The following COL5A2 variants were observed in gnomAD, a reference collection of about 807,000 sequenced individuals.
COL5A2 encodes the protein collagen type V alpha 2 chain.
In COL5A2, 23 loss-of-function variants were observed where a neutral mutation model predicts 208.2. The ratio of observed to expected loss-of-function variants is 0.11; its 90% CI spans 0.08 to 0.16. The LOEUF is 0.16. Ranked by LOEUF, COL5A2 falls within the 10% of genes least tolerant of loss-of-function variation. The pLI is 1.00. For synonymous variants in COL5A2, 625 were observed against 628.5 expected (o/e 0.99, Z 0.08); for missense variants, 1,590 against 1,956.4 (o/e 0.81, Z 3.53).
the COL5A2 span, among the ~76,000 whole-genome samples, chr2:189,254,017 G>A: frequency 2.6e-5 from 4 of 152,186 alleles, no homozygotes; most frequent in Non-Finnish European, 5.9e-5. Context: ...TAGATTTTAA[G>A]CACCTATTGA....
chr2:189,210,645 T>C (rs2105867387), intron 1 of COL5A2, among the ~76,000 whole-genome samples: 1 of 152,350 alleles, frequency 6.6e-6, no homozygotes, highest in South Asian at 2.1e-4. Context: ...AATGTTTAAC[T>C]TAATACCAAT....
chr2:189,439,814 A>G, the COL5A2 span, among the ~76,000 whole-genome samples: 17 of 152,364 alleles, frequency 1.1e-4, no homozygotes, highest in African/African-American at 4.1e-4. Context: ...ATACAGTAAC[A>G]TACAACTAAA....
chr2:189,224,321 C>A (rs1006424297), intron 1 of COL5A2, among the ~76,000 whole-genome samples: 2 of 151,696 alleles, frequency 1.3e-5, no homozygotes, highest in Non-Finnish European at 3.0e-5. Flanking sequence ...AAATAACTTA[C>A]CATTCCAATT....
chr2:189,152,206 C>T (rs755723617), intron 1 of COL5A2, among the ~76,000 whole-genome samples: 1 of 152,144 alleles, frequency 6.6e-6, no homozygotes, highest in Non-Finnish European at 1.5e-5. Flanking sequence ...GAACCTGACA[C>T]TTACATGTAT....
intron 2 of COL5A2, among the ~76,000 whole-genome samples, chr2:189,109,363 T>C (rs1399289799): frequency 6.6e-6 from 1 of 152,154 alleles, no homozygotes; most frequent in East Asian, 1.9e-4. Flanking sequence ...GCACATTGTT[T>C]CTGTTCAAGA....
intron 51 of COL5A2, among the ~76,000 whole-genome samples, chr2:189,037,125 ATG>A (rs1195563126): frequency 6.6e-6 from 1 of 152,220 alleles, no homozygotes; most frequent in Non-Finnish European, 1.5e-5. Flanking sequence ...ACCAAAATAG[ATG>A]TGTTTCCAAT....
At chr2:189,413,689 A>T in the COL5A2 span, among the ~76,000 whole-genome samples, 2 of 151,806 alleles carry the variant, frequency 1.3e-5, no homozygotes, top group African/African-American at 4.8e-5. Flanking sequence ...TAGGACTCAG[A>T]TGTCCAGGTA....
At chr2:189,242,179 C>G in the COL5A2 span, among the ~76,000 whole-genome samples, 1 of 152,032 alleles carries the variant, frequency 6.6e-6, no homozygotes, top group East Asian at 1.9e-4. Context: ...TTTCAGAAAA[C>G]CATTTGATAC....
upstream of COL5A2, among the ~76,000 whole-genome samples, chr2:189,226,958 G>C (rs1392282162): frequency 6.6e-6 from 1 of 152,136 alleles, no homozygotes; most frequent in Non-Finnish European, 1.5e-5. Context: ...TAGGATGGCA[G>C]ACATCAGAGA....
the COL5A2 span, among the ~76,000 whole-genome samples, chr2:189,363,140 C>T: frequency 6.6e-6 from 1 of 151,942 alleles, no homozygotes; most frequent in East Asian, 1.9e-4. Context: ...AAAACTAACA[C>T]CTTTCATTAA....
the COL5A2 span, among the ~76,000 whole-genome samples, chr2:189,257,320 A>G: frequency 6.6e-6 from 1 of 152,336 alleles, no homozygotes; most frequent in East Asian, 1.9e-4. Flanking sequence ...TAAAATTCTT[A>G]TTATGTATGA....
intron 24 of COL5A2, 114 bp downstream of exon 24, chr2:189,064,890 C>T (rs1686114098): frequency 6.9e-6 from 7 of 1,019,496 alleles, no homozygotes; most frequent in African/African-American, 3.2e-5. Context: ...TATTTGTATC[C>T]ATCTCCTTTC....
At chr2:189,330,941 A>C in the COL5A2 span, among the ~76,000 whole-genome samples, 8 of 152,342 alleles carry the variant, frequency 5.3e-5, no homozygotes, top group South Asian at 1.7e-3. Flanking sequence ...GTGATCCAGA[A>C]TCAAAAGGAA....
chr2:189,050,806 A>T, intron 42 of COL5A2, 130 bp from the exon 43 acceptor site: 8 of 729,718 alleles, frequency 1.1e-5, no homozygotes, highest in Non-Finnish European at 1.9e-5. Context: ...TCTCAAAATC[A>T]TACTGCATAT....
the COL5A2 span, among the ~76,000 whole-genome samples, chr2:189,353,798 TGCCCTA>T: frequency 8.5e-5 from 13 of 152,342 alleles, no homozygotes; most frequent in South Asian, 1.7e-3. Context: ...ATTGCCTGAT[TGCCCTA>T]GCCAGAACTT....
chr2:189,369,168 T>C, the COL5A2 span, among the ~76,000 whole-genome samples: 1 of 152,182 alleles, frequency 6.6e-6, no homozygotes, highest in African/African-American at 2.4e-5. Context: ...TACTGTGACT[T>C]ACCAAAGATT....
At chr2:189,165,417 T>C (rs980483630) in intron 1 of COL5A2, among the ~76,000 whole-genome samples, 1 of 152,186 alleles carries the variant, frequency 6.6e-6, no homozygotes, top group Non-Finnish European at 1.5e-5. Context: ...TTGTCCCAGG[T>C]GCCTAGGATT....
intron 46 of COL5A2, 46 bp downstream of exon 46, chr2:189,045,754 A>G (rs757921511): frequency 1.4e-6 from 2 of 1,445,802 alleles, no homozygotes; most frequent in South Asian, 2.3e-5. Flanking sequence ...ATAACATAGC[A>G]TATGGGTGTG....
Position 189,054,731 on chromosome 2 carries a change from A to T in COL5A2, c.2392-519T>A, listed in dbSNP as rs375861909. 9.6e-4 allele frequency among the ~76,000 whole-genome samples: 121 copies of T among 125,652 alleles called. No individual in the cohort carries two copies. The South Asian group carries it at 0.011, about 12-fold the overall frequency. The allele number at this position is 125,652 out of a possible 152,430, so 82.4% of individuals were successfully genotyped here. A position where few individuals can be genotyped will look rare whatever the true frequency, so the allele number is the denominator to read the frequency against. Reference sequence around the variant, plus strand: ...TTTTTTGGCACAGGGTCTCCACTCTACATTGCCCAGAATGGAGTGCAGTAG... The same window carrying T: ...TTTTTTGGCACAGGGTCTCCACTCTTCATTGCCCAGAATGGAGTGCAGTAG... On this transcript the variant is annotated intron_variant, in intron 35 of 53. Coordinates refer to ENST00000374866, the MANE Select transcript of COL5A2 (RefSeq NM_000393.5).
Sources: allele counts gnomAD v4.1 joint callset (sites outside exome capture counted in the v4.1 genomes callset), GRCh38; gene constraint gnomAD v4.1.1; transcripts MANE v1.5; gene names NCBI Gene and HGNC (gene_info 2026-07-23, HGNC 2026-07-21).